Variants in ZNF804B observed in about 807,000 individuals in gnomAD.
ZNF804B encodes the protein zinc finger 804B.
A neutral mutation model predicts 101.4 loss-of-function variants in ZNF804B; 80 were observed. The observed-to-expected ratio is 0.79, with a 90% CI of 0.66 to 0.95. The LOEUF is 0.95. Among genes scored for constraint, ZNF804B ranks in the 40% least tolerant of loss-of-function variants. The probability of loss-of-function intolerance (pLI) is 0.00; values close to 1 mark genes in which losing one functional copy is unlikely to be tolerated. For missense variants in ZNF804B, 1,673 were observed against 1,561.9 expected, an observed-to-expected ratio of 1.07 and a Z score of -1.20; for synonymous variants, 622 against 558.8, an observed-to-expected ratio of 1.11 and a Z score of -1.59.
At chr7:89,073,992 G>A (rs1304595557) in intron 1 of ZNF804B, among the ~76,000 whole-genome samples, 1 of 152,108 alleles carries the variant, frequency 6.6e-6, no homozygotes, top group Admixed American at 6.6e-5. Context: ...GACTGCCAAA[G>A]CCTACCACAA....
chr7:88,805,047 G>A (rs1790664168), intron 1 of ZNF804B, among the ~76,000 whole-genome samples: 1 of 152,090 alleles, frequency 6.6e-6, no homozygotes, highest in African/African-American at 2.4e-5. Context: ...TGGTGTTAGA[G>A]CTATTCTGAA....
At chr7:88,834,448 G>A (rs1013280084) in intron 1 of ZNF804B, among the ~76,000 whole-genome samples, 1 of 151,702 alleles carries the variant, frequency 6.6e-6, no homozygotes, top group Non-Finnish European at 1.5e-5. Flanking sequence ...TAAAAGACAA[G>A]TAATTCTAAT....
chr7:89,006,291 G>T (rs887773334), intron 1 of ZNF804B, among the ~76,000 whole-genome samples: 1 of 151,614 alleles, frequency 6.6e-6, no homozygotes, highest in Admixed American at 6.6e-5. Context: ...TTTTCCCTCT[G>T]CTTAATTCCA....
At chr7:89,304,541 G>A (rs1260614043) in intron 2 of ZNF804B, among the ~76,000 whole-genome samples, 2 of 151,648 alleles carry the variant, frequency 1.3e-5, no homozygotes, top group African/African-American at 4.8e-5. Flanking sequence ...GTGTGTGTGT[G>A]TATGTGTGTG....
At chr7:89,183,679 C>A (rs1393165483) in intron 1 of ZNF804B, among the ~76,000 whole-genome samples, 2 of 152,072 alleles carry the variant, frequency 1.3e-5, no homozygotes, top group African/African-American at 4.8e-5. Flanking sequence ...TCAAATAATA[C>A]CTTCTTTTAT....
intron 2 of ZNF804B, among the ~76,000 whole-genome samples, chr7:89,312,556 A>G (rs1354762336): frequency 6.6e-6 from 1 of 152,210 alleles, no homozygotes; most frequent in Non-Finnish European, 1.5e-5. Context: ...CAGAGAAAGT[A>G]TGCTTGGATG....
At chr7:88,866,592 C>G (rs1313632668) in intron 1 of ZNF804B, among the ~76,000 whole-genome samples, 1 of 152,128 alleles carries the variant, frequency 6.6e-6, no homozygotes, top group Non-Finnish European at 1.5e-5. Flanking sequence ...AAAACCCTGA[C>G]TTGTGACCTG....
chr7:89,210,469 G>A (rs1484432746), intron 1 of ZNF804B, among the ~76,000 whole-genome samples: 1 of 152,100 alleles, frequency 6.6e-6, no homozygotes, highest in African/African-American at 2.4e-5. Context: ...GCATACATCA[G>A]CTGTTTATCC....
intron 1 of ZNF804B, among the ~76,000 whole-genome samples, chr7:88,878,649 T>A (rs2189746): frequency 0.44 from 66,858 of 151,970 alleles, 16,069 homozygotes; most frequent in African/African-American, 0.63. Context: ...AAAACAAAAT[T>A]GTACTTGAAA....
At chr7:89,114,882 G>A (rs2116357483) in intron 1 of ZNF804B, among the ~76,000 whole-genome samples, 1 of 152,266 alleles carries the variant, frequency 6.6e-6, no homozygotes, top group African/African-American at 2.4e-5. Context: ...TAAATGTTCT[G>A]TGTTGTAGCT....
intron 2 of ZNF804B, among the ~76,000 whole-genome samples, chr7:89,310,499 A>G (rs993127779): frequency 1.3e-5 from 2 of 152,064 alleles, no homozygotes; most frequent in African/African-American, 4.8e-5. Context: ...TTTAATAGTT[A>G]TTTTTTCAAA....
chr7:89,258,923 G>A (rs1789673297), intron 2 of ZNF804B, among the ~76,000 whole-genome samples: 1 of 152,084 alleles, frequency 6.6e-6, no homozygotes, highest in African/African-American at 2.4e-5. Context: ...GAGGAGGCAG[G>A]AGAGGCAAAC....
intron 1 of ZNF804B, among the ~76,000 whole-genome samples, chr7:89,137,629 G>A (rs1449559234): frequency 6.6e-6 from 1 of 152,052 alleles, no homozygotes; most frequent in Non-Finnish European, 1.5e-5. Flanking sequence ...AAGGCATTCA[G>A]TTTTAAAAGT....
At chr7:88,786,562 TA>T (rs1680000656) in intron 1 of ZNF804B, among the ~76,000 whole-genome samples, 1 of 152,142 alleles carries the variant, frequency 6.6e-6, no homozygotes, top group Admixed American at 6.6e-5. Flanking sequence ...AAACTGCTTT[TA>T]TTCTGTTTTT....
intron 2 of ZNF804B, among the ~76,000 whole-genome samples, chr7:89,258,263 C>A (rs867514925): frequency 6.6e-6 from 1 of 151,988 alleles, no homozygotes; most frequent in African/African-American, 2.4e-5. Flanking sequence ...TGAGCATCTG[C>A]AGATTTTGGT....
chr7:89,032,217 AAAG>A (rs1788848260), intron 1 of ZNF804B, among the ~76,000 whole-genome samples: 1 of 150,222 alleles, frequency 6.7e-6, no homozygotes, highest in South Asian at 2.1e-4. Flanking sequence ...GGAGCATTTC[AAAG>A]AAGACCAGAA....
intron 1 of ZNF804B, among the ~76,000 whole-genome samples, chr7:89,113,037 A>G (rs1044785443): frequency 1.3e-5 from 2 of 152,220 alleles, no homozygotes; most frequent in Non-Finnish European, 2.9e-5. Context: ...TATGGAGAAA[A>G]TAGATGTGGG....
chr7:89,098,091 G>A (rs1789994928), intron 1 of ZNF804B, among the ~76,000 whole-genome samples: 1 of 151,928 alleles, frequency 6.6e-6, no homozygotes, highest in Admixed American at 6.6e-5. Flanking sequence ...TTTAAGGTAG[G>A]AACAATTAAC....
chr7:88,799,667 C>G (rs1790549018), intron 1 of ZNF804B, among the ~76,000 whole-genome samples: 1 of 152,038 alleles, frequency 6.6e-6, no homozygotes, highest in South Asian at 2.1e-4. Context: ...CAGGTGATAT[C>G]ATTAGGCACT....
Sources: allele counts gnomAD v4.1 joint callset (sites outside exome capture counted in the v4.1 genomes callset), GRCh38; gene constraint gnomAD v4.1.1; transcripts MANE v1.5; gene names NCBI Gene and HGNC (gene_info 2026-07-23, HGNC 2026-07-21).